The following FAAP20 variants were observed in gnomAD, a reference collection of about 807,000 sequenced individuals.
The protein encoded by FAAP20 is Fanconi anemia core complex-associated protein 20.
FAAP20 carries 12 observed loss-of-function variants against 16.2 expected under a neutral mutation model. The ratio of observed to expected loss-of-function variants is 0.74; its 90% CI spans 0.48 to 1.20. The LOEUF (loss-of-function observed/expected upper bound fraction) is 1.20. Among genes scored for constraint, FAAP20 ranks in the 50% most tolerant of loss-of-function variants. The probability of loss-of-function intolerance (pLI) is 0.00; values close to 1 mark genes in which losing one functional copy is unlikely to be tolerated. For synonymous variants in FAAP20, 141 were observed against 110.7 expected (o/e 1.27, Z -1.72); for missense variants, 288 against 245.8 (o/e 1.17, Z -1.15).
At chr1:2,203,257 C>T (rs543935586), upstream of FAAP20, among the ~76,000 whole-genome samples, 30 of 152,332 alleles carry the variant, frequency 2.0e-4, 1 homozygote, top group South Asian at 2.5e-3. Flanking sequence ...GCTAGGATCC[C>T]GACAGGCCAG....
chr1:2,203,628 G>A, upstream of FAAP20: 1 of 986,058 alleles, frequency 1.0e-6, no homozygotes, highest in Non-Finnish European at 1.2e-6. Context: ...CTGCGTCTGG[G>A]GCCTGAGCGG....
At chr1:2,196,453 G>A (rs574438927), upstream of FAAP20, among the ~76,000 whole-genome samples, 1 of 151,902 alleles carries the variant, frequency 6.6e-6, no homozygotes, top group Admixed American at 6.6e-5. This position sits in a 1 kb window ranked among gnomAD's most constrained non-coding sequence, Gnocchi z 4.5. Context: ...ACCTACTTGG[G>A]TGGCTAAGGT....
downstream of FAAP20, among the ~76,000 whole-genome samples, chr1:2,207,995 T>C (rs1689328472): frequency 6.6e-6 from 1 of 152,038 alleles, no homozygotes; most frequent in African/African-American, 2.4e-5. Context: ...TGAGCCTGTG[T>C]GTGCCCGCGT....
At chr1:2,203,038 G>C (rs1258975680), upstream of FAAP20, among the ~76,000 whole-genome samples, 1 of 152,214 alleles carries the variant, frequency 6.6e-6, no homozygotes, top group Middle Eastern at 3.2e-3. Flanking sequence ...GTCCATCCGA[G>C]TGGGACACTG....
chr1:2,197,661 C>T (rs755880111), upstream of FAAP20, among the ~76,000 whole-genome samples: 19 of 152,248 alleles, frequency 1.2e-4, no homozygotes, highest in Admixed American at 2.0e-4. Context: ...GCTTTGGGGA[C>T]GCAGAGGCAG....
Position 2,193,688 on chromosome 1 carries a change from C to T in FAAP20, c.421G>A (p.Ala141Thr). 5 of 1,598,500 alleles carry T rather than the reference C, an allele frequency of 3.1e-6. No homozygotes were observed. Among genetic ancestry groups the T allele is most frequent in the Non-Finnish European group, 4.3e-6 (5 of 1,175,288 alleles). The change falls in exon 3 of 4, where the codon GCC becomes ACC. Residue 141 changes from alanine to threonine, a missense_variant. Ala to Thr is a moderately conservative substitution (Grantham distance 58). Transcript: ENST00000378546. The stretch of plus-strand genomic sequence containing the variant: ...ATGGGGCAGCTGCGCAGGGCCGCGG[C>T]ACCCTCCACAGACGGCTGCTGCTCC... ...RVEQQPSVEG[A>T]AALRSCPMCQ... is the part of the protein sequence containing the mutation.
chr1:2,189,848 G>A, intron 3 of FAAP20, 67 bp from the exon 4 acceptor site: 1 of 1,241,170 alleles, frequency 8.1e-7, no homozygotes, highest in Non-Finnish European at 1.2e-6. Context: ...AGCACCGTCT[G>A]GACCTCCGGG....
intron 3 of FAAP20, chr1:2,190,390 G>T: frequency 2.2e-6 from 1 of 450,252 alleles, no homozygotes; most frequent in South Asian, 1.6e-5. Context: ...GCCAGGCAGG[G>T]GTGGCAGGAG....
downstream of FAAP20, chr1:2,185,529 G>A (rs1227846176): frequency 1.4e-5 from 10 of 715,012 alleles, no homozygotes; most frequent in East Asian, 1.3e-4. Context: ...GGGACACACC[G>A]CAATCAAGAA....
rs1388039919 is a variant in FAAP20 at position 2,194,738 on chromosome 1, C to T, written c.12G>A (p.Ala4=). The change falls in exon 1 of 4, where the codon GCG becomes GCA. Residue 4 remains alanine, a synonymous_variant. Coordinates refer to ENST00000378546, the MANE Select transcript of FAAP20 (RefSeq NM_182533.4). ...GGCTCAACCCCAGCCGCGGCCTCCGCGCCGCCTCCATCCAAGCCCGCGCCG... is the reference window on the plus strand; with the variant it reads ...GGCTCAACCCCAGCCGCGGCCTCCGTGCCGCCTCCATCCAAGCCCGCGCCG... MEA[A]RRPRLGLSRR... 8.4e-7 allele frequency: 1 copy of T among 1,196,282 alleles called. No homozygotes were observed. 74.1% of individuals were successfully genotyped at this position (1,196,282 alleles called of 1,614,324 possible).
At chr1:2,204,773 C>A (rs981541743), upstream of FAAP20, among the ~76,000 whole-genome samples, 1 of 152,144 alleles carries the variant, frequency 6.6e-6, no homozygotes, top group African/African-American at 2.4e-5. Context: ...GCAGGCTCAG[C>A]CAGCCGCCGC....
chr1:2,209,231 G>A (rs1689370251), downstream of FAAP20, among the ~76,000 whole-genome samples: 2 of 151,902 alleles, frequency 1.3e-5, no homozygotes, highest in South Asian at 2.1e-4. Flanking sequence ...AGGCCTTTGC[G>A]CTGCTGGCCC....
chr1:2,201,792 C>A (rs544013627), upstream of FAAP20, among the ~76,000 whole-genome samples: 316 of 151,992 alleles, frequency 2.1e-3, 1 homozygote, highest in Non-Finnish European at 3.8e-3. Flanking sequence ...CCAAGGCAGG[C>A]GGATCACGAA....
chr1:2,199,076 GC>G, upstream of FAAP20: 1 of 1,195,716 alleles, frequency 8.4e-7, no homozygotes, highest in Non-Finnish European at 1.1e-6. This position sits in a 1 kb window ranked among gnomAD's most constrained non-coding sequence, Gnocchi z 4.5. Context: ...GCACAGGCCT[GC>G]CCCTGACCCC....
At chr1:2,212,639 C>T, upstream of FAAP20, 1 of 224,774 alleles carries the variant, frequency 4.4e-6, no homozygotes, top group Non-Finnish European at 9.1e-6. Context: ...GACCGGAAGG[C>T]TCAGGGTGGG....
chr1:2,189,424 C>G, downstream of FAAP20: 1 of 508,126 alleles, frequency 2.0e-6, no homozygotes, highest in Non-Finnish European at 3.6e-6. Context: ...TCAGCCCGTC[C>G]GCTGTCCACA....
chr1:2,195,272 T>TCAGGGGCCTGGGC (rs566513672), upstream of FAAP20, among the ~76,000 whole-genome samples: 753 of 152,334 alleles, frequency 4.9e-3, 10 homozygotes, highest in African/African-American at 0.017. Context: ...CACTTGGGCC[T>TCAGGGGCCTGGGC]CAGGGGCCTG....
At chr1:2,192,058 C>T in intron 3 of FAAP20, 1 of 985,608 alleles carries the variant, frequency 1.0e-6, no homozygotes, top group Non-Finnish European at 1.2e-6. Context: ...TCTGCCAGGG[C>T]TCCAGGCTCA....
chr1:2,184,860 C>T (rs112794083), downstream of FAAP20: 956 of 1,483,496 alleles, frequency 6.4e-4, 6 homozygotes, highest in African/African-American at 0.012. Flanking sequence ...AACGTGACTC[C>T]GCTTCCCCCA....
Sources: gnomAD v4.1 joint callset for allele counts (sites outside exome capture counted in the v4.1 genomes callset) on GRCh38, gnomAD v4.1.1 for gene constraint, Gnocchi (gnomAD v3.1) non-coding constraint, MANE v1.5 for transcripts, NCBI Gene and HGNC (gene_info 2026-07-23, HGNC 2026-07-21) for gene names.